Variants in LINC00305 observed in about 807,000 individuals in gnomAD.
LINC00305 encodes the protein long independently transcribed non-coding RNA 305.
At chr18:64,115,715 C>T (rs1166706225) in intron 1 of LINC00305, among the ~76,000 whole-genome samples, 3 of 152,078 alleles carry the variant, frequency 2.0e-5, no homozygotes, top group East Asian at 3.9e-4. Context: ...TCCTTGCCTT[C>T]CTTTTTTTAA....
intron 1 of LINC00305, among the ~76,000 whole-genome samples, chr18:64,114,424 G>C (rs1015900042): frequency 6.6e-6 from 1 of 152,306 alleles, no homozygotes; most frequent in Middle Eastern, 3.4e-3. Context: ...TGGACATTCC[G>C]GGTGTGCTAT....
chr18:64,107,638 G>A (rs1196413572), intron 1 of LINC00305, among the ~76,000 whole-genome samples: 2 of 152,184 alleles, frequency 1.3e-5, no homozygotes, highest in African/African-American at 4.8e-5. Flanking sequence ...ATAGAAACCA[G>A]GCTTGCCCAA....
chr18:64,131,973 TC>T (rs2051411814), intron 1 of LINC00305, among the ~76,000 whole-genome samples: 1 of 152,164 alleles, frequency 6.6e-6, no homozygotes, highest in Non-Finnish European at 1.5e-5. Flanking sequence ...GTAGCCTGCT[TC>T]TTTGTCCCCT....
At chr18:64,098,617 G>T (rs1840074518) in exon 2 of LINC00305, 1 of 429,700 alleles carries the variant, frequency 2.3e-6, no homozygotes, top group Non-Finnish European at 4.7e-6. Context: ...TCATATCCAG[G>T]GGTGGAACCA....
At chr18:64,080,160 C>A in exon 4 of LINC00305, 1 of 222,444 alleles carries the variant, frequency 4.5e-6, no homozygotes, top group East Asian at 1.3e-4. Context: ...TGCATGAGAC[C>A]TTTCAATGGA....
At chr18:64,133,735 A>G (rs545090423) in intron 1 of LINC00305, among the ~76,000 whole-genome samples, 4 of 152,288 alleles carry the variant, frequency 2.6e-5, no homozygotes, top group African/African-American at 9.6e-5. Flanking sequence ...AGCAGCTTAA[A>G]TCACACCTGC....
At chr18:64,119,076 T>C (rs1039374234) in intron 1 of LINC00305, among the ~76,000 whole-genome samples, 13 of 152,092 alleles carry the variant, frequency 8.5e-5, no homozygotes, top group Non-Finnish European at 1.5e-5. Flanking sequence ...TATATCCTGA[T>C]TTTCAAGACT....
At chr18:64,133,945 A>G (rs1223929014) in intron 1 of LINC00305, among the ~76,000 whole-genome samples, 1 of 152,244 alleles carries the variant, frequency 6.6e-6, no homozygotes, top group Non-Finnish European at 1.5e-5. Context: ...CATATAAAAT[A>G]GTAAATACTT....
At chr18:64,096,716 G>T (rs1360754815) in intron 3 of LINC00305, among the ~76,000 whole-genome samples, 1 of 151,738 alleles carries the variant, frequency 6.6e-6, no homozygotes, top group Non-Finnish European at 1.5e-5. Flanking sequence ...TTCCATTCAG[G>T]AATGTGGATT....
chr18:64,115,890 C>A (rs887331517), intron 1 of LINC00305, among the ~76,000 whole-genome samples: 2 of 152,218 alleles, frequency 1.3e-5, no homozygotes, highest in African/African-American at 2.4e-5. Context: ...AGATAGCATC[C>A]GTATCTCCCA....
intron 1 of LINC00305, among the ~76,000 whole-genome samples, chr18:64,137,845 CAT>C (rs1350720730): frequency 6.9e-6 from 1 of 144,682 alleles, no homozygotes; most frequent in Admixed American, 6.8e-5. Context: ...TATACACACA[CAT>C]ACACACACAC....
intron 1 of LINC00305, among the ~76,000 whole-genome samples, chr18:64,119,811 G>A (rs906636553): frequency 2.0e-5 from 3 of 152,014 alleles, no homozygotes; most frequent in South Asian, 2.1e-4. Flanking sequence ...CTCAAAGACC[G>A]ATCTGCTCAG....
Position 64,130,795 on chromosome 18 carries a change from A to G in LINC00305, n.314+17980T>C, listed in dbSNP as rs367819688. ...GGAAAGGGCAATGACATTCCAGATT[A>G]TTGAACCACCTTGTTCAATAATTGC... is the stretch of plus-strand genomic sequence containing the variant. On this transcript the variant is annotated intron_variant and non_coding_transcript_variant, in intron 1 of 3. Coordinates refer to ENST00000666468, the Ensembl canonical transcript of LINC00305. 6.6e-5 allele frequency among the ~76,000 whole-genome samples: 10 copies of G among 152,296 alleles called. No homozygotes were observed. In the East Asian group the frequency reaches 1.9e-3, roughly 29 times the overall value.
chr18:64,144,658 G>A (rs1372613191), intron 1 of LINC00305, among the ~76,000 whole-genome samples: 1 of 152,066 alleles, frequency 6.6e-6, no homozygotes, highest in Non-Finnish European at 1.5e-5. Context: ...ACAGGTGCCT[G>A]CCACCACACA....
intron 1 of LINC00305, among the ~76,000 whole-genome samples, chr18:64,103,666 T>C (rs898402419): frequency 3.9e-5 from 6 of 152,244 alleles, no homozygotes; most frequent in African/African-American, 1.4e-4. Context: ...CCAAATGTGT[T>C]TGAATTTTTA....
intron 1 of LINC00305, among the ~76,000 whole-genome samples, chr18:64,101,738 C>T (rs558372527): frequency 2.6e-5 from 4 of 152,296 alleles, no homozygotes; most frequent in African/African-American, 9.6e-5. Context: ...TAACTCACTA[C>T]ATTTTTCTAT....
intron 1 of LINC00305, among the ~76,000 whole-genome samples, chr18:64,138,422 G>A (rs1056254493): frequency 2.6e-5 from 4 of 152,200 alleles, no homozygotes; most frequent in African/African-American, 9.6e-5. Flanking sequence ...GGACACAAGT[G>A]AGAAGTAAAA....
intron 3 of LINC00305, among the ~76,000 whole-genome samples, chr18:64,093,249 C>T (rs184018328): frequency 4.6e-5 from 7 of 152,178 alleles, no homozygotes; most frequent in African/African-American, 1.7e-4. Context: ...TTCACAACTT[C>T]CCCACATGAA....
chr18:64,134,882 TA>T (rs2077080475), intron 1 of LINC00305, among the ~76,000 whole-genome samples: 1 of 152,216 alleles, frequency 6.6e-6, no homozygotes, highest in South Asian at 2.1e-4. Flanking sequence ...ACAATCAGGC[TA>T]AGCTCTCTGG....
Sources: allele counts gnomAD v4.1 joint callset (sites outside exome capture counted in the v4.1 genomes callset), GRCh38; gene constraint gnomAD v4.1.1; transcripts MANE v1.5; gene names NCBI Gene and HGNC (gene_info 2026-07-23, HGNC 2026-07-21).